Variants in SLC9A1 observed in about 807,000 individuals in gnomAD.
The protein encoded by SLC9A1 is sodium/hydrogen exchanger 1.
A neutral mutation model predicts 67.9 loss-of-function variants in SLC9A1; 22 were observed. The ratio of observed to expected loss-of-function variants is 0.32; its 90% CI spans 0.23 to 0.46. The LOEUF (loss-of-function observed/expected upper bound fraction) is 0.46. Ranked by LOEUF, SLC9A1 falls within the 20% of genes least tolerant of loss-of-function variation. The probability of loss-of-function intolerance (pLI) is 1.00; values close to 1 mark genes in which losing one functional copy is unlikely to be tolerated. For missense variants in SLC9A1, 686 were observed against 1,094.8 expected, an observed-to-expected ratio of 0.63 and a Z score of 5.27; for synonymous variants, 421 against 471.8, an observed-to-expected ratio of 0.89 and a Z score of 1.40.
In SLC9A1 at chr1:27,101,857, G is replaced by A. The variant is rs746802674; in HGVS notation, c.1936-31C>T. The stretch of plus-strand genomic sequence containing the variant: ...GGAGGGACAGCGTCAGGGCAGTGCG[G>A]GCCCCGGAAGGCTCTGCTCATGGAG... On this transcript the variant is annotated intron_variant, in intron 9 of 11. Transcript: ENST00000263980. This position sits in a 1 kb window ranked among gnomAD's most constrained non-coding sequence, Gnocchi z 4.9. 1 of 1,544,668 alleles carries A rather than the reference G, an allele frequency of 6.5e-7. No homozygotes were observed. The highest frequency in any genetic ancestry group is 1.1e-5 in the South Asian group (1 of 89,510).
In SLC9A1 at chr1:27,114,554, C is replaced by T. The variant is rs1217270323; in HGVS notation, c.353-268G>A. On this transcript the variant is annotated intron_variant, in intron 1 of 11. Coordinates refer to ENST00000263980, the MANE Select transcript of SLC9A1 (RefSeq NM_003047.5). The surrounding 1 kb of genome is among the most constrained non-coding windows in gnomAD (Gnocchi z 5.4). ...AAGGATATATACATGCTATCTCTGTCACTGTCATAAAATGTTAGAAAGCAG... is the reference window on the plus strand; with the variant it reads ...AAGGATATATACATGCTATCTCTGTTACTGTCATAAAATGTTAGAAAGCAG... Among the ~76,000 whole-genome samples, 1 of 152,184 alleles carries T rather than the reference C, an allele frequency of 6.6e-6. No homozygotes were observed. The highest frequency in any genetic ancestry group is 2.4e-5 in the African/African-American group (1 of 41,430).
chr1:27,154,299 T>C lies in SLC9A1; in HGVS notation c.36A>G (p.Pro12=), dbSNP rs1445682049. The change falls in exon 1 of 12, where the codon CCA becomes CCG. Residue 12 remains proline (P), a synonymous_variant. Transcript: ENST00000263980. The part of the protein sequence containing the change: ...VLRSGICGLS[P]HRIFPSLLVV... ...CGAGTAAGGAAGGGAAGATCCGATG[T>C]GGAGAGAGGCCACAGATGCCAGACC... 2.5e-6 allele frequency: 4 copies of C among 1,606,422 alleles called. No homozygotes were observed. Among genetic ancestry groups the C allele is most frequent in the Non-Finnish European group, 3.4e-6 (4 of 1,175,416 alleles).
Position 27,101,682 on chromosome 1 carries a change from G to T in SLC9A1, c.2037+43C>A. On this transcript the variant is annotated intron_variant, in intron 10 of 11. Coordinates refer to ENST00000263980, the MANE Select transcript of SLC9A1 (RefSeq NM_003047.5). The surrounding 1 kb of genome is among the most constrained non-coding windows in gnomAD (Gnocchi z 4.9). ...TTAGAGGCTGTGGCGGAGCTTGGGC[G>T]AGTGGGGTGGGATACAGATTCCCAG... is the stretch of plus-strand genomic sequence containing the variant. The T allele has an allele frequency of 7.2e-7, 1 of 1,387,136 alleles. No homozygotes were observed. Among genetic ancestry groups the T allele is most frequent in the Non-Finnish European group, 1.0e-6 (1 of 983,874 alleles). 85.9% of individuals were successfully genotyped at this position (1,387,136 alleles called of 1,614,324 possible).
In SLC9A1 at chr1:27,131,439, CAAAAAAAAAAAAAA is replaced by C. The variant is rs35954506; in HGVS notation, c.353-17167_353-17154del. Among the ~76,000 whole-genome samples, 7 of 27,490 alleles carry C rather than the reference CAAAAAAAAAAAAAA, an allele frequency of 2.5e-4. No homozygotes were observed. In the Admixed American group the frequency reaches 3.7e-3, roughly 15 times the overall value. 18.0% of individuals were successfully genotyped at this position (27,490 alleles called of 152,430 possible). A position where few individuals can be genotyped will look rare whatever the true frequency, so the allele number is the denominator to read the frequency against. ...TGAAACCCCGTCTCTACTAAAAATA[CAAAAAAAAAAAAAA>C]AAAAAAAAAAAAGAGGCAGGGCACG... On this transcript the variant is annotated intron_variant, in intron 1 of 11. Coordinates refer to ENST00000263980, the MANE Select transcript of SLC9A1 (RefSeq NM_003047.5).
Position 27,101,293 on chromosome 1 carries a change from C to T in SLC9A1, c.2038-18G>A, listed in dbSNP as rs549895277. On this transcript the variant is annotated intron_variant, in intron 10 of 11. Coordinates refer to ENST00000263980, the MANE Select transcript of SLC9A1 (RefSeq NM_003047.5). This position sits in a 1 kb window ranked among gnomAD's most constrained non-coding sequence, Gnocchi z 4.9. ...TTGTTGATCTGACAGAGAGGACAGA[C>T]GGGGTGAGCACAGGCAGCTGGGCAG... 5.9e-5 allele frequency: 95 copies of T among 1,607,380 alleles called. 1 individual carries two copies. The South Asian group carries it at 6.4e-4, about 11-fold the overall frequency.
At position 27,128,386 on chromosome 1, in the gene SLC9A1, G is replaced by A. The variant is rs187402183; in HGVS notation, c.353-14100C>T. On this transcript the variant is annotated intron_variant, in intron 1 of 11. Coordinates refer to ENST00000263980, the MANE Select transcript of SLC9A1 (RefSeq NM_003047.5). ...AAAATATATGCCCAGGCCAGGGGAG[G>A]TGGCTCACACCTGAATCCCAGCAGC... is the stretch of plus-strand genomic sequence containing the variant. Among the ~76,000 whole-genome samples the A allele has an allele frequency of 1.2e-4, 19 of 152,318 alleles. No individual in the cohort carries two copies. The East Asian group carries it at 3.5e-3, about 28-fold the overall frequency.
chr1:27,146,459 T>A (rs1195272164), intron 1 of SLC9A1, among the ~76,000 whole-genome samples: 1 of 152,088 alleles, frequency 6.6e-6, no homozygotes, highest in East Asian at 1.9e-4. Context: ...CAATTCAAAA[T>A]GATTATGGGA....
In SLC9A1 at chr1:27,147,299, C is replaced by CAAAA. The variant is rs57583944; in HGVS notation, c.352+6680_352+6683dup. ...TGTGCAAAAGAGCGAGACTCTGTCT[C>CAAAA]AAAAAAAAAAAAAAAAAAAAAAGAA... On this transcript the variant is annotated intron_variant, in intron 1 of 11. Transcript: ENST00000263980. Among the ~76,000 whole-genome samples the CAAAA allele has an allele frequency of 6.4e-4, 28 of 43,924 alleles. 2 individuals are homozygous for CAAAA. Among genetic ancestry groups the CAAAA allele is most frequent in the African/African-American group, 2.0e-3 (20 of 9,956 alleles). The allele number at this position is 43,924 out of a possible 152,430, so 28.8% of individuals were successfully genotyped here. A position where few individuals can be genotyped will look rare whatever the true frequency, so the allele number is the denominator to read the frequency against.
intron 1 of SLC9A1, among the ~76,000 whole-genome samples, chr1:27,148,221 C>A (rs1160198995): frequency 6.6e-6 from 1 of 152,190 alleles, no homozygotes; most frequent in Non-Finnish European, 1.5e-5. Flanking sequence ...AGATTTGCTG[C>A]TCCACAGATA....
At chr1:27,123,282 A>G (rs2083317379) in intron 1 of SLC9A1, among the ~76,000 whole-genome samples, 1 of 152,134 alleles carries the variant, frequency 6.6e-6, no homozygotes, top group Non-Finnish European at 1.5e-5. Flanking sequence ...CAACTATACC[A>G]GTCTCCCCCA....
chr1:27,133,732 A>G (rs1015306610), intron 1 of SLC9A1, among the ~76,000 whole-genome samples: 1 of 150,654 alleles, frequency 6.6e-6, no homozygotes, highest in African/African-American at 2.4e-5. Flanking sequence ...TCCCTCAGCT[A>G]GGGAAGGGGA....
In SLC9A1 at chr1:27,107,660, C is replaced by T. The variant is rs374641217; in HGVS notation, c.1270G>A (p.Ala424Thr). Residue 424 changes from alanine (A) to threonine (T), a missense_variant, in exon 4 of 12, where the codon GCC (alanine) becomes ACC (threonine). Ala to Thr is a moderately conservative substitution (Grantham distance 58). Coordinates refer to ENST00000263980, the MANE Select transcript of SLC9A1 (RefSeq NM_003047.5). Reference sequence around the variant, plus strand: ...CCCTGGCCCTCACCCAGCACGCGGGCGATGAGGCAGAAGAGCAGGGTGCTG... The same window carrying T: ...CCCTGGCCCTCACCCAGCACGCGGGTGATGAGGCAGAAGAGCAGGGTGCTG... ...VISTLLFCLIARVLGVLGLTW... is the reference protein window; with the variant it reads ...VISTLLFCLITRVLGVLGLTW... 3.2e-6 allele frequency: 5 copies of T among 1,554,610 alleles called. No homozygotes were observed. Among genetic ancestry groups the T allele is most frequent in the Non-Finnish European group, 4.4e-6 (5 of 1,149,176 alleles).
chr1:27,140,843 A>G (rs1029586312), intron 1 of SLC9A1, among the ~76,000 whole-genome samples: 1 of 152,192 alleles, frequency 6.6e-6, no homozygotes, highest in African/African-American at 2.4e-5. Flanking sequence ...GAAATGGCAC[A>G]GGACTTGGAA....
In SLC9A1 at chr1:27,154,741, GGCTAAAGGAAGGGGTAGGGAGCCTGA is replaced by G. The variant is rs1241634527; in HGVS notation, c.-433_-408del. 1 of 162,140 alleles carries G rather than the reference GGCTAAAGGAAGGGGTAGGGAGCCTGA, an allele frequency of 6.2e-6. No homozygotes were observed. The highest frequency in any genetic ancestry group is 1.7e-4 in the South Asian group (1 of 5,794). The allele number at this position is 162,140 out of a possible 1,614,324, so 10.0% of individuals were successfully genotyped here. ...TGAGGAGCTGGGACTCTGGGCTGTG[GGCTAAAGGAAGGGGTAGGGAGCCTGA>G]GCTAAAGGAAGGGGACCGAAGGGGG... On this transcript the variant is annotated 5_prime_UTR_variant, in exon 1 of 12. Coordinates refer to ENST00000263980, the MANE Select transcript of SLC9A1 (RefSeq NM_003047.5).
chr1:27,141,090 C>T (rs1329262336), intron 1 of SLC9A1, among the ~76,000 whole-genome samples: 1 of 152,134 alleles, frequency 6.6e-6, no homozygotes, highest in African/African-American at 2.4e-5. Context: ...AGCCTGTAAT[C>T]CCAGCTACTC....
rs1379090557 is a variant in SLC9A1, at chr1:27,109,511, C to T, written c.1064+16G>A. 1 of 1,611,058 alleles carries T rather than the reference C, an allele frequency of 6.2e-7. No homozygotes were observed. The highest frequency in any genetic ancestry group is 1.3e-5 in the African/African-American group (1 of 74,806). ...CCCACCCCGCCAAGCCCACTGCCTG[C>T]TGCACGCAGACTCACGCCATGATGC... On this transcript the variant is annotated intron_variant, in intron 3 of 11. Coordinates refer to ENST00000263980, the MANE Select transcript of SLC9A1 (RefSeq NM_003047.5). This position sits in a 1 kb window ranked among gnomAD's most constrained non-coding sequence, Gnocchi z 5.5.
chr1:27,105,293 TTCTC>T (rs940274716), intron 5 of SLC9A1, among the ~76,000 whole-genome samples: 3 of 152,238 alleles, frequency 2.0e-5, no homozygotes, highest in South Asian at 2.1e-4. Context: ...CTGTACCCAC[TTCTC>T]TCTCTTTTTC....
rs2083553563 is a variant in SLC9A1, at chr1:27,154,546, G to C, written c.-212C>G. 3 of 523,596 alleles carry C rather than the reference G, an allele frequency of 5.7e-6. No homozygotes were observed. In the African/African-American group the frequency reaches 5.8e-5, roughly 10 times the overall value. 32.4% of individuals were successfully genotyped at this position (523,596 alleles called of 1,614,324 possible). The stretch of plus-strand genomic sequence containing the variant: ...ACTCCAAAGTGGGGAAAGGGGGCAA[G>C]GACCCAGGAACGACCACGAAAGGAG... On this transcript the variant is annotated 5_prime_UTR_variant, in exon 1 of 12. Coordinates refer to ENST00000263980, the MANE Select transcript of SLC9A1 (RefSeq NM_003047.5).
chr1:27,100,297 G>A lies in SLC9A1; in HGVS notation c.*10C>T, dbSNP rs980621693. 1.3e-6 allele frequency: 2 copies of A among 1,514,574 alleles called. No individual in the cohort carries two copies. Among genetic ancestry groups the A allele is most frequent in the Non-Finnish European group, 1.8e-6 (2 of 1,130,178 alleles). The allele number at this position is 1,514,574 out of a possible 1,614,324, so 93.8% of individuals were successfully genotyped here. A position where few individuals can be genotyped will look rare whatever the true frequency, so the allele number is the denominator to read the frequency against. On this transcript the variant is annotated 3_prime_UTR_variant, in exon 12 of 12. Coordinates refer to ENST00000263980, the MANE Select transcript of SLC9A1 (RefSeq NM_003047.5). The surrounding 1 kb of genome is among the most constrained non-coding windows in gnomAD (Gnocchi z 5.6). ...TGTGAGGGGACAGGCGCTGCCTGCT[G>A]GCCCTGGTGTTACTGCCCCTTGGGG...
Sources: gnomAD v4.1 joint callset for allele counts (sites outside exome capture counted in the v4.1 genomes callset) on GRCh38, gnomAD v4.1.1 for gene constraint, Gnocchi (gnomAD v3.1) non-coding constraint, MANE v1.5 for transcripts, NCBI Gene and HGNC (gene_info 2026-07-23, HGNC 2026-07-21) for gene names.